The following SIPA1L1 variants were observed in gnomAD, a reference collection of about 807,000 sequenced individuals.
SIPA1L1 encodes the protein signal-induced proliferation-associated 1-like protein 1.
SIPA1L1 carries 26 observed loss-of-function variants against 162.7 expected under a neutral mutation model. That is an observed-to-expected ratio of 0.16 (90% CI 0.12 to 0.22). The LOEUF (loss-of-function observed/expected upper bound fraction) is 0.22. SIPA1L1 is among the 10% of genes least tolerant of loss of function. The pLI, the probability that SIPA1L1 is intolerant of heterozygous loss-of-function variation, is 1.00. For missense variants in SIPA1L1, 1,874 were observed against 2,241.0 expected, an observed-to-expected ratio of 0.84 and a Z score of 3.31; for synonymous variants, 829 against 837.4, an observed-to-expected ratio of 0.99 and a Z score of 0.17.
chr14:71,477,295 C>G (rs535432687), intron 2 of SIPA1L1, among the ~76,000 whole-genome samples: 1 of 152,096 alleles, frequency 6.6e-6, no homozygotes, highest in Non-Finnish European at 1.5e-5. Context: ...GTTATACTGT[C>G]TCCCCACCTC....
At chr14:71,508,760 A>AT (rs1276339992) in intron 2 of SIPA1L1, among the ~76,000 whole-genome samples, 4 of 151,930 alleles carry the variant, frequency 2.6e-5, no homozygotes, top group South Asian at 2.1e-4. Flanking sequence ...TTTTGTATGA[A>AT]TTTTTTTTAG....
At chr14:71,416,586 A>G (rs964592964) in intron 2 of SIPA1L1, among the ~76,000 whole-genome samples, 2 of 152,100 alleles carry the variant, frequency 1.3e-5, no homozygotes, top group South Asian at 2.1e-4. Context: ...GGAGGAGGCC[A>G]TGACTCAACA....
chr14:71,499,920 C>T (rs2050072615), intron 2 of SIPA1L1, among the ~76,000 whole-genome samples: 1 of 152,094 alleles, frequency 6.6e-6, no homozygotes, highest in African/African-American at 2.4e-5. Flanking sequence ...AGATTCAGTT[C>T]CTAACCATTT....
At chr14:71,421,605 TATAAA>T (rs1192271129) in intron 2 of SIPA1L1, among the ~76,000 whole-genome samples, 3 of 152,066 alleles carry the variant, frequency 2.0e-5, no homozygotes, top group Non-Finnish European at 2.9e-5. Context: ...TTAAAAAAAT[TATAAA>T]ATAAAATAAT....
At chr14:71,600,594 A>G (rs375808469) in intron 5 of SIPA1L1, among the ~76,000 whole-genome samples, 12 of 152,202 alleles carry the variant, frequency 7.9e-5, no homozygotes, top group African/African-American at 2.9e-4. Flanking sequence ...TTTTGGTTCC[A>G]TATGAATTTT....
intron 9 of SIPA1L1, 25 bp downstream of exon 9, chr14:71,658,461 G>A: frequency 1.5e-6 from 2 of 1,378,082 alleles, no homozygotes; most frequent in Non-Finnish European, 2.1e-6. Flanking sequence ...TGTTATCTGT[G>A]TTTTCACCCT....
At chr14:71,341,905 G>A (rs2035696002) in intron 2 of SIPA1L1, among the ~76,000 whole-genome samples, 1 of 152,122 alleles carries the variant, frequency 6.6e-6, no homozygotes, top group African/African-American at 2.4e-5. Context: ...CCAACCCACT[G>A]TTGATGAACA....
chr14:71,558,933 A>C lies in SIPA1L1; in HGVS notation c.-302-28638A>C, dbSNP rs904955608. On this transcript the variant is annotated intron_variant, in intron 4 of 23. Transcript: ENST00000381232. ...TCCTGGCCTCAAGTGATCCTCCTGC[A>C]TTGACCTCCCAAAATGTTGGGATTA... 3.3e-5 allele frequency among the ~76,000 whole-genome samples: 5 copies of C among 152,120 alleles called. No homozygotes were observed. In the East Asian group the frequency reaches 9.6e-4, roughly 29 times the overall value.
chr14:71,715,124 A>G (rs1597178979), intron 17 of SIPA1L1, among the ~76,000 whole-genome samples: 1 of 152,312 alleles, frequency 6.6e-6, no homozygotes, highest in South Asian at 2.1e-4. Flanking sequence ...GTCATTTGCA[A>G]AAAAAGAAAG....
intron 7 of SIPA1L1, among the ~76,000 whole-genome samples, chr14:71,647,285 A>C (rs1202733589): frequency 6.6e-6 from 1 of 152,020 alleles, no homozygotes; most frequent in Non-Finnish European, 1.5e-5. Context: ...GGTGGAGCTC[A>C]CTAGGGTATA....
chr14:71,550,624 A>C (rs1003872240), intron 4 of SIPA1L1, among the ~76,000 whole-genome samples: 2 of 151,858 alleles, frequency 1.3e-5, no homozygotes, highest in African/African-American at 2.4e-5. Flanking sequence ...TTCTCTCTCA[A>C]AGCGATGTTA....
chr14:71,398,351 A>T (rs2041393974), intron 2 of SIPA1L1: 1 of 152,212 alleles, frequency 6.6e-6, no homozygotes, highest in African/African-American at 2.4e-5. Flanking sequence ...AATCATGGCA[A>T]TATTTTTTGT....
At chr14:71,432,553 T>C (rs1017067231) in intron 2 of SIPA1L1, among the ~76,000 whole-genome samples, 1 of 152,174 alleles carries the variant, frequency 6.6e-6, no homozygotes, top group African/African-American at 2.4e-5. Context: ...TGTATTTATG[T>C]TTTATGACTA....
At chr14:71,727,806 G>A (rs1303079573) in intron 19 of SIPA1L1, among the ~76,000 whole-genome samples, 1 of 152,208 alleles carries the variant, frequency 6.6e-6, no homozygotes, top group Non-Finnish European at 1.5e-5. Context: ...TAAGACTGGA[G>A]TTAAAGAGGA....
chr14:71,546,189 C>T (rs1018740917), intron 4 of SIPA1L1, among the ~76,000 whole-genome samples: 1 of 152,052 alleles, frequency 6.6e-6, no homozygotes, highest in Non-Finnish European at 1.5e-5. Flanking sequence ...TTTAAGTTCA[C>T]AATGTTCAAT....
chr14:71,438,137 A>G (rs1397468170), intron 2 of SIPA1L1, among the ~76,000 whole-genome samples: 1 of 152,066 alleles, frequency 6.6e-6, no homozygotes, highest in African/African-American at 2.4e-5. Context: ...CTTACTTTTT[A>G]GTTAAACAAA....
At chr14:71,473,014 T>C (rs1595647675) in intron 2 of SIPA1L1, among the ~76,000 whole-genome samples, 1 of 151,990 alleles carries the variant, frequency 6.6e-6, no homozygotes, top group East Asian at 1.9e-4. Context: ...CCTGGCTTAA[T>C]TTTCCACTTA....
chr14:71,463,024 G>C (rs2046724526), intron 2 of SIPA1L1, among the ~76,000 whole-genome samples: 1 of 152,206 alleles, frequency 6.6e-6, no homozygotes, highest in South Asian at 2.1e-4. Context: ...GCTGCAATTG[G>C]AGTCACCAGT....
intron 2 of SIPA1L1, among the ~76,000 whole-genome samples, chr14:71,430,579 G>T (rs1260511705): frequency 6.6e-6 from 1 of 152,194 alleles, no homozygotes; most frequent in Non-Finnish European, 1.5e-5. Context: ...GAAACAAGCT[G>T]CACGGGACCA....
Sources: gnomAD v4.1 joint callset for allele counts (sites outside exome capture counted in the v4.1 genomes callset) on GRCh38, gnomAD v4.1.1 for gene constraint, MANE v1.5 for transcripts, NCBI Gene and HGNC (gene_info 2026-07-23, HGNC 2026-07-21) for gene names.